Variants in RNF212B observed in about 807,000 individuals in gnomAD.
RNF212B encodes ring finger protein 212B, also known as E3 ubiquitin-protein ligase RNF212B.
Under a neutral mutation model 55.5 loss-of-function variants are expected in RNF212B, and 52 were observed. The ratio of observed to expected loss-of-function variants is 0.94; its 90% confidence interval spans 0.75 to 1.18. RNF212B has a LOEUF of 1.18. RNF212B is among the 50% of genes most tolerant of loss of function. The probability of loss-of-function intolerance (pLI) is 0.00; values close to 1 mark genes in which losing one functional copy is unlikely to be tolerated. For missense variants in RNF212B, 289 were observed against 350.4 expected, an observed-to-expected ratio of 0.82 and a Z score of 1.40; for synonymous variants, 99 against 121.4, an observed-to-expected ratio of 0.82 and a Z score of 1.21.
In RNF212B at chr14:23,262,934, C is replaced by A. The variant is rs1653316451; in HGVS notation, c.488C>A (p.Pro163Gln). Residue 163 changes from proline to glutamine, a missense_variant, in exon 9 of 15, where the codon CCA becomes CAA. Coordinates refer to ENST00000430154, the MANE Select transcript of RNF212B (RefSeq NM_001282322.3). ...GTACTTTATTCTCTTTCAGTTACCC[C>A]ACGACCCAGTTTCCAGCATAGCAGT... ...GITSPSQSVTPRPSFQHSSQV... is the reference protein window; with the variant it reads ...GITSPSQSVTQRPSFQHSSQV... 4 of 1,550,502 alleles carry A rather than the reference C, an allele frequency of 2.6e-6. No homozygotes were observed. Among genetic ancestry groups the A allele is most frequent in the Middle Eastern group, 1.7e-4 (1 of 5,992 alleles).
At chr14:23,221,436 G>A (rs1427960203) in intron 2 of RNF212B, among the ~76,000 whole-genome samples, 4 of 152,166 alleles carry the variant, frequency 2.6e-5, no homozygotes, top group Admixed American at 6.5e-5. Context: ...TTCAGCATGA[G>A]AGTGTAACAA....
At chr14:23,266,201 T>C (rs1039157265) in intron 11 of RNF212B, among the ~76,000 whole-genome samples, 2 of 151,980 alleles carry the variant, frequency 1.3e-5, no homozygotes, top group Admixed American at 1.3e-4. Context: ...TCAGGTGATC[T>C]GCCCGCCTCA....
intron 2 of RNF212B, among the ~76,000 whole-genome samples, chr14:23,216,447 T>A (rs1370691402): frequency 6.6e-6 from 1 of 151,068 alleles, no homozygotes; most frequent in Non-Finnish European, 1.5e-5. Flanking sequence ...CCCTAACATA[T>A]CAATAAGTAC....
At chr14:23,258,907 C>T (rs1255343837) in intron 5 of RNF212B, among the ~76,000 whole-genome samples, 2 of 151,572 alleles carry the variant, frequency 1.3e-5, no homozygotes, top group Non-Finnish European at 2.9e-5. Flanking sequence ...CTTCCCAGAC[C>T]AGGTGCAGTG....
chr14:23,265,962 C>T (rs1291898680), intron 11 of RNF212B, among the ~76,000 whole-genome samples: 1 of 151,988 alleles, frequency 6.6e-6, no homozygotes, highest in Non-Finnish European at 1.5e-5. Context: ...TACATTCATT[C>T]CAAAGGTTGT....
At chr14:23,205,136 T>A (rs1326670448) in intron 2 of RNF212B, among the ~76,000 whole-genome samples, 1 of 152,164 alleles carries the variant, frequency 6.6e-6, no homozygotes, top group Non-Finnish European at 1.5e-5. Flanking sequence ...TTCTTTCTCA[T>A]ATACAATTAT....
chr14:23,262,314 A>G (rs1489188195), intron 7 of RNF212B, among the ~76,000 whole-genome samples: 1 of 152,018 alleles, frequency 6.6e-6, no homozygotes, highest in Non-Finnish European at 1.5e-5. Flanking sequence ...TTATTTTTCT[A>G]GTTTCTTAAG....
At chr14:23,269,767 C>A (rs927551931) in intron 12 of RNF212B, 96 bp from the exon 13 acceptor site, 28 of 663,782 alleles carry the variant, frequency 4.2e-5, no homozygotes, top group Non-Finnish European at 6.8e-5. Context: ...TTTTTCCTCT[C>A]TGGCCTAGCT....
intron 1 of RNF212B, among the ~76,000 whole-genome samples, chr14:23,187,283 A>G (rs1033993266): frequency 1.3e-5 from 2 of 152,216 alleles, no homozygotes; most frequent in African/African-American, 2.4e-5. Context: ...GGCTTGGGAC[A>G]TGCTGCTTGT....
upstream of RNF212B, among the ~76,000 whole-genome samples, chr14:23,236,419 G>A (rs1233659041): frequency 6.6e-6 from 1 of 152,092 alleles, no homozygotes; most frequent in Non-Finnish European, 1.5e-5. Context: ...GGAGGCTGAG[G>A]CAGGAGAATC....
At chr14:23,210,631 G>C (rs955213552) in intron 2 of RNF212B, among the ~76,000 whole-genome samples, 6 of 151,408 alleles carry the variant, frequency 4.0e-5, no homozygotes, top group African/African-American at 1.5e-4. Context: ...CAAAAAATTA[G>C]CTGGGTGTGG....
chr14:23,234,730 C>G (rs928733379), upstream of RNF212B, among the ~76,000 whole-genome samples: 1 of 152,222 alleles, frequency 6.6e-6, no homozygotes, highest in Non-Finnish European at 1.5e-5. Context: ...GGGGCTAACG[C>G]CCCACTCCAC....
At chr14:23,216,541 T>A (rs2140399533) in intron 2 of RNF212B, among the ~76,000 whole-genome samples, 1 of 151,490 alleles carries the variant, frequency 6.6e-6, no homozygotes. Flanking sequence ...CCGAGCACAA[T>A]TTCCAAACAA....
chr14:23,263,753 CAA>C (rs921276265), intron 9 of RNF212B, among the ~76,000 whole-genome samples: 1 of 151,678 alleles, frequency 6.6e-6, no homozygotes, highest in Non-Finnish European at 1.5e-5. Flanking sequence ...CCCCTTCCCC[CAA>C]AAAAAACGAG....
At chr14:23,252,357 C>A (rs1388327321) in intron 4 of RNF212B, among the ~76,000 whole-genome samples, 1 of 152,086 alleles carries the variant, frequency 6.6e-6, no homozygotes, top group Non-Finnish European at 1.5e-5. Flanking sequence ...TTCAAAAGAT[C>A]CCCCTCAAAA....
intron 9 of RNF212B, among the ~76,000 whole-genome samples, chr14:23,263,857 G>T (rs928792170): frequency 2.6e-5 from 4 of 152,170 alleles, no homozygotes; most frequent in Non-Finnish European, 5.9e-5. Flanking sequence ...GGAGGCTGAG[G>T]CGAGTGGATC....
chr14:23,255,223 T>C (rs909956556), intron 4 of RNF212B, among the ~76,000 whole-genome samples: 1 of 152,244 alleles, frequency 6.6e-6, no homozygotes, highest in Non-Finnish European at 1.5e-5. Context: ...ACTTGTCTTC[T>C]CAGTTAATCA....
intron 4 of RNF212B, among the ~76,000 whole-genome samples, chr14:23,247,086 GCCAAGAT>G (rs1354748788): frequency 6.6e-6 from 1 of 150,768 alleles, no homozygotes; most frequent in Non-Finnish European, 1.5e-5. Context: ...ACTGCGGTGA[GCCAAGAT>G]CGCACCATTG....
intron 1 of RNF212B, among the ~76,000 whole-genome samples, chr14:23,187,721 C>G (rs767329639): frequency 9.2e-5 from 14 of 152,178 alleles, no homozygotes; most frequent in Non-Finnish European, 1.9e-4. Flanking sequence ...CATGCGCTCA[C>G]TCCATCCTTC....
Sources: gnomAD v4.1 joint callset for allele counts (sites outside exome capture counted in the v4.1 genomes callset) on GRCh38, gnomAD v4.1.1 for gene constraint, MANE v1.5 for transcripts, NCBI Gene and HGNC (gene_info 2026-07-23, HGNC 2026-07-21) for gene names.